The following PSG3 variants were observed in gnomAD, a reference collection of about 807,000 sequenced individuals.
PSG3 encodes the protein pregnancy specific beta-1-glycoprotein 3.
PSG3 carries 61 observed loss-of-function variants against 47.5 expected under a neutral mutation model. The observed-to-expected ratio is 1.28, with a 90% CI of 1.05 to 1.59. The LOEUF is 1.59. PSG3 is among the 40% of genes most tolerant of loss of function. PSG3 has a pLI of 0.00. For missense variants in PSG3, 756 were observed against 524.0 expected (o/e 1.44, Z -4.32); for synonymous variants, 263 against 198.4 (o/e 1.33, Z -2.74).
At chr19:42,732,759 T>C (rs890067562) in intron 3 of PSG3, 25 bp downstream of exon 3, 1 of 1,614,152 alleles carries the variant, frequency 6.2e-7, no homozygotes, top group African/African-American at 1.3e-5. Context: ...GCAGACTGGC[T>C]CACAGAGGAA....
chr19:42,732,140 A>G (rs1312459997), intron 3 of PSG3: 2 of 154,376 alleles, frequency 1.3e-5, no homozygotes, highest in Admixed American at 6.4e-5. Flanking sequence ...AGGGACTATG[A>G]TCCTCTTGAT....
chr19:42,728,025 G>A (rs1428718634), intron 5 of PSG3, among the ~76,000 whole-genome samples: 1 of 152,112 alleles, frequency 6.6e-6, no homozygotes, highest in East Asian at 1.9e-4. Context: ...GACACAAAAG[G>A]ATAATTATTA....
intron 3 of PSG3, among the ~76,000 whole-genome samples, chr19:42,730,898 G>A (rs534107825): frequency 6.6e-6 from 1 of 152,216 alleles, no homozygotes; most frequent in Admixed American, 6.5e-5. Flanking sequence ...TGGTGGAAAG[G>A]GTGGGAATGA....
chr19:42,725,340 A>G (rs1035380344), intron 5 of PSG3, among the ~76,000 whole-genome samples: 3 of 152,222 alleles, frequency 2.0e-5, no homozygotes, highest in Middle Eastern at 3.2e-3. Flanking sequence ...TCAACAACCT[A>G]CTTTAATACT....
chr19:42,732,970 C>T lies in PSG3; in HGVS notation c.523G>A (p.Asp175Asn), dbSNP rs746684780. 5 of 1,614,142 alleles carry T rather than the reference C, an allele frequency of 3.1e-6. No homozygotes were observed. The South Asian group carries it at 3.3e-5, about 11-fold the overall frequency. Residue 175 changes from aspartate (D) to asparagine (N), a missense_variant, in exon 3 of 7, where the codon GAC becomes AAC. Coordinates refer to ENST00000327495, the MANE Select transcript of PSG3 (RefSeq NM_021016.4). ...VSLTCDPETP[D>N]ASYLWWMNGQ... ...TTCATCCACCACAGGTAGCTTGCGT[C>T]CGGAGTCTCAGGATCACAGGTTAAG...
intron 5 of PSG3, among the ~76,000 whole-genome samples, chr19:42,725,896 A>AAAAAAAAAAAAAAG (rs1969370012): frequency 6.6e-6 from 1 of 150,642 alleles, no homozygotes; most frequent in African/African-American, 2.4e-5. Context: ...CAACCAAAAA[A>AAAAAAAAAAAAAAG]AAAAAAAAAA....
chr19:42,724,087 C>G (rs1969337843), intron 5 of PSG3, 62 bp from the exon 6 acceptor site: 4 of 1,538,184 alleles, frequency 2.6e-6, no homozygotes, highest in African/African-American at 2.7e-5. Flanking sequence ...GGGGGAGCCT[C>G]AGGAACAAGC....
intron 6 of PSG3, among the ~76,000 whole-genome samples, chr19:42,723,485 A>T (rs556184652): frequency 1.3e-5 from 2 of 152,342 alleles, no homozygotes; most frequent in African/African-American, 2.4e-5. Context: ...AAGTGGCTAG[A>T]GTAGACCCCT....
At position 42,739,490 on chromosome 19, in the gene PSG3, G is replaced by A. The variant is rs75474697; in HGVS notation, c.65-401C>T. On this transcript the variant is annotated intron_variant, in intron 1 of 6. Transcript: ENST00000327495. ...CCTTTCCCTGCTCTGCTCCCTCCAG[G>A]GTTCTTCTCAACACCTGACCTCACA... is the stretch of plus-strand genomic sequence containing the variant. The A allele has an allele frequency of 1.5e-4, 31 of 200,310 alleles. No homozygotes were observed. The East Asian group carries it at 3.5e-3, about 23-fold the overall frequency. 12.4% of individuals were successfully genotyped at this position (200,310 alleles called of 1,614,324 possible). A position where few individuals can be genotyped will look rare whatever the true frequency, so the allele number is the denominator to read the frequency against.
In PSG3 at chr19:42,739,107, C is replaced by T; in HGVS notation, c.65-18G>A. ...AAGTAATGCTAGGAGGTGGAGAGAG[C>T]ATCAGTCAATATTGAGACCTATGCA... On this transcript the variant is annotated intron_variant, in intron 1 of 6. Coordinates refer to ENST00000327495, the MANE Select transcript of PSG3 (RefSeq NM_021016.4). 1 of 1,587,322 alleles carries T rather than the reference C, an allele frequency of 6.3e-7. No individual in the cohort carries two copies. Among genetic ancestry groups the T allele is most frequent in the Non-Finnish European group, 8.6e-7 (1 of 1,162,492 alleles).
At chr19:42,732,590 G>A (rs1969490174) in intron 3 of PSG3, 194 bp downstream of exon 3, 2 of 1,320,624 alleles carry the variant, frequency 1.5e-6, no homozygotes, top group Non-Finnish European at 2.1e-6. Flanking sequence ...CATGACAGGA[G>A]CAGCCTCTTT....
chr19:42,734,709 T>C lies in PSG3; in HGVS notation c.431-1647A>G, dbSNP rs147175038. Among the ~76,000 whole-genome samples, 278 of 152,290 alleles carry C rather than the reference T, an allele frequency of 1.8e-3. 3 individuals carry two copies. Among genetic ancestry groups the C allele is most frequent in the African/African-American group, 6.2e-3 (257 of 41,564 alleles). On this transcript the variant is annotated intron_variant, in intron 2 of 6. Transcript: ENST00000327495. ...AGGTGATTTGAAATTAGCAACTCCT[T>C]AAGTAGAGAGAGTCCCGTTAAAAGG...
At position 42,732,859 on chromosome 19, in the gene PSG3, C is replaced by T. The variant is rs1384801556; in HGVS notation, c.634G>A (p.Ala212Thr). The change falls in exon 3 of 7, where the codon GCA becomes ACA. Residue 212 changes from alanine to threonine, a missense_variant. Physicochemically the swap from Ala to Thr is moderately conservative, Grantham distance 58. Transcript: ENST00000327495. Reference protein sequence around the residue: ...LFLFGVTKYTAGPYECEIRNP... With the variant: ...LFLFGVTKYTTGPYECEIRNP... ...CGTATTTCACATTCATAGGGTCCTG[C>T]AGTGTACTTTGTGACACCAAATAGA... is the stretch of plus-strand genomic sequence containing the variant. 2 of 1,614,120 alleles carry T rather than the reference C, an allele frequency of 1.2e-6. No homozygotes were observed. Among genetic ancestry groups the T allele is most frequent in the Non-Finnish European group, 1.7e-6 (2 of 1,179,992 alleles).
intron 5 of PSG3, 131 bp downstream of exon 5, chr19:42,728,992 G>A: frequency 6.3e-7 from 1 of 1,578,388 alleles, no homozygotes; most frequent in Non-Finnish European, 8.6e-7. Context: ...GAGGGTTCAG[G>A]AGGAGAATTT....
At chr19:42,730,592 C>T (rs1242470877) in intron 3 of PSG3, among the ~76,000 whole-genome samples, 2 of 152,144 alleles carry the variant, frequency 1.3e-5, no homozygotes, top group African/African-American at 2.4e-5. Context: ...ACAGGGGAGA[C>T]CAGAATCAAG....
intron 5 of PSG3, among the ~76,000 whole-genome samples, chr19:42,725,205 AG>A (rs1203455460): frequency 6.6e-6 from 1 of 152,178 alleles, no homozygotes; most frequent in Non-Finnish European, 1.5e-5. Flanking sequence ...TTTAAAAGAA[AG>A]GTATGAAGAA....
At position 42,740,348 on chromosome 19, in the gene PSG3, T is replaced by C. The variant is rs1362624301; in HGVS notation, c.37A>G (p.Ile13Val). 36 of 1,613,874 alleles carry C rather than the reference T, an allele frequency of 2.2e-5. No individual in the cohort carries two copies. Among genetic ancestry groups the C allele is most frequent in the Non-Finnish European group, 3.0e-5 (35 of 1,179,892 alleles). The stretch of plus-strand genomic sequence containing the variant: ...GTGAGCAGGAGCCCCTTCCAGGTGA[T>C]GCGCTGTGTGCAGGGAGGGGCTGAG... ...PLSAPPCTQR[I>V]TWKGLLLTAL... is the part of the protein sequence containing the mutation. Residue 13 changes from isoleucine to valine, a missense_variant, in exon 1 of 7, where the codon ATC becomes GTC. Physicochemically the swap from Ile to Val is conservative, Grantham distance 29 (BLOSUM62 3). Transcript: ENST00000327495.
intron 4 of PSG3, 110 bp downstream of exon 4, chr19:42,729,668 C>G: frequency 6.4e-7 from 1 of 1,560,452 alleles, no homozygotes; most frequent in Non-Finnish European, 8.7e-7. Flanking sequence ...CTCGGATGTC[C>G]AGAAGTAATG....
chr19:42,726,824 C>T (rs1600380163), intron 5 of PSG3, among the ~76,000 whole-genome samples: 1 of 152,162 alleles, frequency 6.6e-6, no homozygotes, highest in East Asian at 1.9e-4. Flanking sequence ...TCTAAATAGA[C>T]ACACAGCTTT....
Sources: allele counts gnomAD v4.1 joint callset (sites outside exome capture counted in the v4.1 genomes callset), GRCh38; gene constraint gnomAD v4.1.1; transcripts MANE v1.5; gene names NCBI Gene and HGNC (gene_info 2026-07-23, HGNC 2026-07-21).